MACROH2A1: variants seen among roughly 807,000 people sequenced by gnomAD.
The protein encoded by MACROH2A1 is macroH2A.1 histone.
A neutral mutation model predicts 31.6 loss-of-function variants in MACROH2A1; 2 were observed. The ratio of observed to expected loss-of-function variants is 0.06; its 90% CI spans 0.03 to 0.20. The LOEUF is 0.20. Ranked by LOEUF, MACROH2A1 falls within the 10% of genes least tolerant of loss-of-function variation. The pLI is 1.00. For synonymous variants in MACROH2A1, 169 were observed against 189.6 expected (o/e 0.89, Z 0.89); for missense variants, 230 against 474.0 (o/e 0.49, Z 4.78).
intron 5 of MACROH2A1, chr5:135,356,337 T>A (rs1254855324): frequency 6.6e-6 from 1 of 152,162 alleles, no homozygotes; most frequent in African/African-American, 2.4e-5. Flanking sequence ...AGTACCCGAG[T>A]CTTCCCTGTG....
At chr5:135,342,665 C>G (rs1760094267) in intron 8 of MACROH2A1, among the ~76,000 whole-genome samples, 2 of 152,148 alleles carry the variant, frequency 1.3e-5, no homozygotes, top group African/African-American at 4.8e-5. Flanking sequence ...AGGGCCCAGC[C>G]CTGTTTCAAT....
intron 5 of MACROH2A1, chr5:135,358,818 C>T (rs1762488040): frequency 1.0e-6 from 1 of 985,028 alleles, no homozygotes. Flanking sequence ...CTCTACTGTA[C>T]TTTATTTTTA....
chr5:135,344,511 G>A lies in MACROH2A1; in HGVS notation c.779-1077C>T, dbSNP rs1038596943. 3 of 152,174 alleles carry A rather than the reference G, an allele frequency of 2.0e-5. No homozygotes were observed. In the East Asian group the frequency reaches 5.8e-4, roughly 29 times the overall value. The allele number at this position is 152,174 out of a possible 1,614,324, so 9.4% of individuals were successfully genotyped here. A position where few individuals can be genotyped will look rare whatever the true frequency, so the allele number is the denominator to read the frequency against. ...GCTCAGTCACAGGGTGTGAATTTGA[G>A]TCCTGGCTCTGCTTTGTGACTGGGC... is the stretch of plus-strand genomic sequence containing the variant. On this transcript the variant is annotated intron_variant, in intron 7 of 8. Transcript: ENST00000511689.
chr5:135,367,073 T>G (rs980003709), intron 4 of MACROH2A1, among the ~76,000 whole-genome samples: 1 of 152,232 alleles, frequency 6.6e-6, no homozygotes, highest in Non-Finnish European at 1.5e-5. Flanking sequence ...ATTCAAGTGT[T>G]GACACCTGAA....
chr5:135,374,682 T>G (rs923820699), intron 2 of MACROH2A1, among the ~76,000 whole-genome samples: 2 of 152,240 alleles, frequency 1.3e-5, no homozygotes, highest in African/African-American at 4.8e-5. Context: ...GTTTTGTCTG[T>G]GGCTGGTCTA....
chr5:135,349,806 C>T (rs1239709378), intron 6 of MACROH2A1, among the ~76,000 whole-genome samples: 1 of 152,194 alleles, frequency 6.6e-6, no homozygotes, highest in Non-Finnish European at 1.5e-5. Context: ...TACCTTACAG[C>T]AGGCACCAAT....
chr5:135,386,340 GC>G (rs1161385132), intron 2 of MACROH2A1, among the ~76,000 whole-genome samples: 1 of 152,232 alleles, frequency 6.6e-6, no homozygotes, highest in East Asian at 1.9e-4. Context: ...GGTCAATTGG[GC>G]CTGGTTCCAT....
chr5:135,337,739 G>A (rs1759016834), intron 8 of MACROH2A1, among the ~76,000 whole-genome samples: 1 of 152,226 alleles, frequency 6.6e-6, no homozygotes, highest in African/African-American at 2.4e-5. Context: ...GCAAGTGGGG[G>A]AGAGAGGTCA....
chr5:135,364,340 G>A (rs530852274), intron 4 of MACROH2A1, among the ~76,000 whole-genome samples: 32 of 151,976 alleles, frequency 2.1e-4, no homozygotes, highest in African/African-American at 5.8e-4. Flanking sequence ...GTATACATAC[G>A]TAACACACCT....
Position 135,370,290 on chromosome 5 carries a change from G to A in MACROH2A1, c.173-148C>T, listed in dbSNP as rs536962932. On this transcript the variant is annotated intron_variant, in intron 2 of 8. Coordinates refer to ENST00000511689, the MANE Select transcript of MACROH2A1 (RefSeq NM_138610.3). ...GTGAAAAGCTGTGGGCAGAGTCACAGAGGTGCTGAATGGCAAAGCTGAGTG... is the reference window on the plus strand; with the variant it reads ...GTGAAAAGCTGTGGGCAGAGTCACAAAGGTGCTGAATGGCAAAGCTGAGTG... 2.5e-5 allele frequency: 14 copies of A among 570,884 alleles called. No individual in the cohort carries two copies. In the African/African-American group the frequency reaches 2.6e-4, roughly 11 times the overall value. The allele number at this position is 570,884 out of a possible 1,614,324, so 35.4% of individuals were successfully genotyped here.
intron 4 of MACROH2A1, among the ~76,000 whole-genome samples, chr5:135,363,656 T>C (rs1353397672): frequency 6.6e-6 from 1 of 152,258 alleles, no homozygotes; most frequent in African/African-American, 2.4e-5. Context: ...TGTGTCTTTA[T>C]AGTAGCATGA....
At chr5:135,345,677 AGC>A (rs1234703509) in intron 7 of MACROH2A1, 13 of 339,022 alleles carry the variant, frequency 3.8e-5, no homozygotes, top group African/African-American at 2.7e-4. Flanking sequence ...ACTCACTCTC[AGC>A]TCTTAGATGT....
intron 4 of MACROH2A1, among the ~76,000 whole-genome samples, chr5:135,367,630 G>T (rs1763673537): frequency 6.6e-6 from 1 of 152,216 alleles, no homozygotes; most frequent in African/African-American, 2.4e-5. Context: ...ACTGGCATCT[G>T]AGAGACCCAC....
intron 1 of MACROH2A1, among the ~76,000 whole-genome samples, chr5:135,396,871 A>G (rs1768073251): frequency 6.6e-6 from 1 of 152,076 alleles, no homozygotes; most frequent in African/African-American, 2.4e-5. Context: ...CAAGCTATAC[A>G]ACTCTTTGGA....
At position 135,352,227 on chromosome 5, in the gene MACROH2A1, T is replaced by C. The variant is rs533786957; in HGVS notation, c.688+719A>G. On this transcript the variant is annotated intron_variant, in intron 6 of 8. Transcript: ENST00000511689. ...GCAGCAGAGCAGCCCTGTCGTGCCA[T>C]TGAGCTGACAGTGCCACATATGCAA... Among the ~76,000 whole-genome samples the C allele has an allele frequency of 3.3e-5, 5 of 152,348 alleles. No homozygotes were observed. In the South Asian group the frequency reaches 8.3e-4, roughly 25 times the overall value.
intron 8 of MACROH2A1, among the ~76,000 whole-genome samples, chr5:135,337,524 G>A (rs1561564248): frequency 6.6e-6 from 1 of 152,248 alleles, no homozygotes; most frequent in African/African-American, 2.4e-5. Flanking sequence ...AAGAGTATGT[G>A]ACTTTCAGTG....
In MACROH2A1 at chr5:135,369,580, G is replaced by A. The variant is rs1405065373; in HGVS notation, c.303C>T (p.Ala101=). The change falls in exon 4 of 9, where the codon GCC becomes GCT. Residue 101 remains alanine (A), a synonymous_variant. Transcript: ENST00000511689. This position sits in a 1 kb window ranked among gnomAD's most constrained non-coding sequence, Gnocchi z 4.3. ...GGATGTTGGGTAACACACCCCCACTGGCTATGGTGACTCCTTTTAGCAGCT... is the reference window on the plus strand; with the variant it reads ...GGATGTTGGGTAACACACCCCCACTAGCTATGGTGACTCCTTTTAGCAGCT... ...LNQLLKGVTI[A]SGGVLPNIHP... 1 of 1,613,668 alleles carries A rather than the reference G, an allele frequency of 6.2e-7. No individual in the cohort carries two copies. Among genetic ancestry groups the A allele is most frequent in the Admixed American group, 1.7e-5 (1 of 60,004 alleles).
chr5:135,391,144 A>G (rs1280143472), intron 1 of MACROH2A1, among the ~76,000 whole-genome samples: 1 of 152,198 alleles, frequency 6.6e-6, no homozygotes, highest in African/African-American at 2.4e-5. Context: ...GCAGGAAATG[A>G]TATGTGTATA....
intron 1 of MACROH2A1, 62 bp from the exon 2 acceptor site, chr5:135,389,188 G>T: frequency 7.7e-7 from 1 of 1,306,058 alleles, no homozygotes; most frequent in Non-Finnish European, 1.1e-6. Context: ...CCCTTTCCAG[G>T]TACACTCTAG....
Sources: allele counts gnomAD v4.1 joint callset (sites outside exome capture counted in the v4.1 genomes callset), GRCh38; gene constraint gnomAD v4.1.1; non-coding constraint Gnocchi (gnomAD v3.1); transcripts MANE v1.5; gene names NCBI Gene and HGNC (gene_info 2026-07-23, HGNC 2026-07-21).